Variants in ADGRA3 observed in about 807,000 individuals in gnomAD.
ADGRA3 encodes the protein G-protein coupled receptor 125.
In ADGRA3, 56 loss-of-function variants were observed where a neutral mutation model predicts 119.8. That is an observed-to-expected ratio of 0.47 (90% confidence interval 0.38 to 0.58). ADGRA3 has a LOEUF of 0.58. Ranked by LOEUF, ADGRA3 falls within the 20% of genes least tolerant of loss-of-function variation. ADGRA3 has a pLI of 0.00. For missense variants in ADGRA3, 1,516 were observed against 1,649.0 expected, an observed-to-expected ratio of 0.92 and a Z score of 1.40; for synonymous variants, 607 against 623.8, an observed-to-expected ratio of 0.97 and a Z score of 0.40.
At chr4:22,502,758 C>T (rs895870194) in intron 1 of ADGRA3, among the ~76,000 whole-genome samples, 5 of 151,938 alleles carry the variant, frequency 3.3e-5, no homozygotes, top group African/African-American at 7.3e-5. Flanking sequence ...ACACTTTTTA[C>T]TATCAGATGA....
At chr4:22,401,339 G>A in intron 16 of ADGRA3, 92 bp downstream of exon 16, 2 of 1,107,902 alleles carry the variant, frequency 1.8e-6, no homozygotes, top group Non-Finnish European at 2.5e-6. Context: ...TAAAGAAAAG[G>A]TATTAAAGAA....
intron 2 of ADGRA3, among the ~76,000 whole-genome samples, chr4:22,472,320 T>G (rs1439394663): frequency 6.6e-6 from 1 of 152,180 alleles, no homozygotes; most frequent in Non-Finnish European, 1.5e-5. Context: ...CTCCCAGGCT[T>G]CCTGTCTGCT....
intron 6 of ADGRA3, among the ~76,000 whole-genome samples, chr4:22,443,584 C>T (rs561570579): frequency 2.6e-5 from 4 of 152,082 alleles, no homozygotes; most frequent in South Asian, 2.1e-4. Context: ...AAATTATTAA[C>T]GAGCTAAATA....
chr4:22,430,877 GCAGC>G (rs2109052776), intron 10 of ADGRA3, among the ~76,000 whole-genome samples: 1 of 152,212 alleles, frequency 6.6e-6, no homozygotes, highest in Non-Finnish European at 1.5e-5. Flanking sequence ...TTGGTGTCTA[GCAGC>G]TGTATCCCAG....
chr4:22,473,627 C>A (rs770981595), intron 2 of ADGRA3, 145 bp downstream of exon 2: 1 of 546,302 alleles, frequency 1.8e-6, no homozygotes, highest in East Asian at 3.1e-5. Context: ...AAATAAAGTT[C>A]TTAAAATTTT....
chr4:22,444,102 T>C (rs1053763804), intron 6 of ADGRA3, among the ~76,000 whole-genome samples: 1 of 152,178 alleles, frequency 6.6e-6, no homozygotes, highest in Admixed American at 6.5e-5. Context: ...TCCCCAGATA[T>C]TCTTCAAAAT....
intron 12 of ADGRA3, chr4:22,414,597 G>A (rs1410685331): frequency 1.3e-5 from 9 of 696,990 alleles, no homozygotes; most frequent in African/African-American, 5.3e-5. Context: ...CATATTCACC[G>A]GAATTTCCCC....
In ADGRA3 at chr4:22,515,788, G is replaced by A; in HGVS notation, c.-4C>T. The A allele has an allele frequency of 1.5e-5, 15 of 1,002,690 alleles. No individual in the cohort carries two copies. Among genetic ancestry groups the A allele is most frequent in the Non-Finnish European group, 1.8e-5 (15 of 845,606 alleles). 62.1% of individuals were successfully genotyped at this position (1,002,690 alleles called of 1,614,324 possible). A position where few individuals can be genotyped will look rare whatever the true frequency, so the allele number is the denominator to read the frequency against. On this transcript the variant is annotated 5_prime_UTR_variant, in exon 1 of 19. Transcript: ENST00000334304. ...GCCGGCGTCCGGGTGGCTCCATGCT[G>A]CGGGCCGGGGCCTGCGGGGCGAGCG...
At chr4:22,403,243 T>G (rs926685872) in intron 14 of ADGRA3, among the ~76,000 whole-genome samples, 1 of 151,998 alleles carries the variant, frequency 6.6e-6, no homozygotes, top group Non-Finnish European at 1.5e-5. Context: ...CGTAGCCAAG[T>G]TCAACTTCAA....
Position 22,461,813 on chromosome 4 carries a change from T to TA in ADGRA3, c.330-6dup, listed in dbSNP as rs1361354220. The stretch of plus-strand genomic sequence containing the variant: ...ATAAGATTGTTTCGGAGGTCCCTGT[T>TA]AAAAATAAAATAAAAGTTATTCACA... On this transcript the variant is annotated splice_region_variant and splice_polypyrimidine_tract_variant and intron_variant, in intron 2 of 18. Coordinates refer to ENST00000334304, the MANE Select transcript of ADGRA3 (RefSeq NM_145290.4). The TA allele has an allele frequency of 2.5e-6, 4 of 1,590,102 alleles. No individual in the cohort carries two copies. The highest frequency in any genetic ancestry group is 3.4e-6 in the Non-Finnish European group (4 of 1,160,560).
At chr4:22,472,025 T>C (rs1717873992) in intron 2 of ADGRA3, among the ~76,000 whole-genome samples, 1 of 152,156 alleles carries the variant, frequency 6.6e-6, no homozygotes, top group Non-Finnish European at 1.5e-5. Context: ...CTTTTTATGG[T>C]GTGCATGAAC....
intron 3 of ADGRA3, among the ~76,000 whole-genome samples, chr4:22,457,511 G>A (rs1051147635): frequency 6.6e-6 from 1 of 152,088 alleles, no homozygotes; most frequent in Non-Finnish European, 1.5e-5. Flanking sequence ...TCATCTGTTT[G>A]GAATTAAGAA....
intron 14 of ADGRA3, among the ~76,000 whole-genome samples, chr4:22,408,618 A>G (rs773882405): frequency 2.6e-4 from 39 of 152,164 alleles, no homozygotes; most frequent in Non-Finnish European, 2.9e-4. Flanking sequence ...CCACCAGAAG[A>G]CTAAAACTGA....
intron 2 of ADGRA3, among the ~76,000 whole-genome samples, chr4:22,464,872 C>A (rs17533181): frequency 0.029 from 4,484 of 152,294 alleles, 100 homozygotes; most frequent in South Asian, 0.083. Context: ...GCTGCCCTTG[C>A]GTCTCATGGT....
chr4:22,395,530 C>G (rs1714313672), intron 16 of ADGRA3, among the ~76,000 whole-genome samples: 1 of 152,138 alleles, frequency 6.6e-6, no homozygotes, highest in Non-Finnish European at 1.5e-5. Context: ...GAGACTAAGA[C>G]TGAGAGAAGT....
chr4:22,450,951 A>AATATATATAT (rs1310599032), intron 4 of ADGRA3, among the ~76,000 whole-genome samples: 5 of 122,802 alleles, frequency 4.1e-5, no homozygotes, highest in African/African-American at 1.6e-4. Context: ...AAAAAAAAAA[A>AATATATATAT]ATATATATAT....
rs757813561 is a variant in ADGRA3, at chr4:22,424,343, C to T, written c.1453G>A (p.Val485Met). 11 of 1,613,044 alleles carry T rather than the reference C, an allele frequency of 6.8e-6. No homozygotes were observed. Among genetic ancestry groups the T allele is most frequent in the East Asian group, 2.2e-5 (1 of 44,858 alleles). The part of the protein sequence containing the change: ...KEEKSKELGD[V>M]MVDIASNIML... ...ATGTTACTTGCAATGTCAACCATCA[C>T]GTCACCTAGCTAGCAGGGGTTCAGG... The change falls in exon 11 of 19, where the codon GTG becomes ATG. Residue 485 changes from valine (V) to methionine (M), a missense_variant. Physicochemically the swap from Val to Met is conservative, Grantham distance 21. Coordinates refer to ENST00000334304, the MANE Select transcript of ADGRA3 (RefSeq NM_145290.4).
Position 22,413,810 on chromosome 4 carries a change from G to A in ADGRA3, c.1814C>T (p.Thr605Ile), listed in dbSNP as rs1294568084. The A allele has an allele frequency of 6.9e-6, 11 of 1,599,090 alleles. No homozygotes were observed. Among genetic ancestry groups the A allele is most frequent in the Non-Finnish European group, 8.5e-6 (10 of 1,174,254 alleles). The part of the protein sequence containing the change: ...NTFSSLALKN[T>I]IVEASIQLPP... ...AAGCTGAATAGAAGCCTCCACAATA[G>A]TATTCTGAAAAAATATATATACATA... The change falls in exon 13 of 19, where the codon ACT becomes ATT. Residue 605 changes from threonine to isoleucine, a missense_variant. Thr to Ile is a moderately conservative substitution (Grantham distance 89, BLOSUM62 -1). Transcript: ENST00000334304.
chr4:22,499,168 T>A (rs1163894302), intron 1 of ADGRA3, among the ~76,000 whole-genome samples: 1 of 152,220 alleles, frequency 6.6e-6, no homozygotes, highest in African/African-American at 2.4e-5. Flanking sequence ...TGCAATATAA[T>A]GGTACAATCA....
Sources: gnomAD v4.1 joint callset for allele counts (sites outside exome capture counted in the v4.1 genomes callset) on GRCh38, gnomAD v4.1.1 for gene constraint, MANE v1.5 for transcripts, NCBI Gene and HGNC (gene_info 2026-07-23, HGNC 2026-07-21) for gene names.